Variants in CACHD1 observed in about 807,000 individuals in gnomAD.
CACHD1 encodes the protein cache domain containing 1, also known as VWFA and cache domain-containing protein 1.
Under a neutral mutation model 138.7 loss-of-function variants are expected in CACHD1, and 71 were observed. The observed-to-expected ratio is 0.51, with a 90% CI of 0.42 to 0.62. The LOEUF (loss-of-function observed/expected upper bound fraction) is 0.62, where lower values mean the gene tolerates loss of function less well. Ranked by LOEUF, CACHD1 falls within the 20% of genes least tolerant of loss-of-function variation. CACHD1 has a pLI of 0.00. For missense variants in CACHD1, 1,389 were observed against 1,625.3 expected (o/e 0.85, Z 2.50); for synonymous variants, 578 against 591.5 (o/e 0.98, Z 0.33).
At chr1:64,568,052 T>A (rs1269058987) in intron 2 of CACHD1, among the ~76,000 whole-genome samples, 1 of 152,246 alleles carries the variant, frequency 6.6e-6, no homozygotes, top group Non-Finnish European at 1.5e-5. Flanking sequence ...AAGTCCTTGA[T>A]GACTCTTTTG....
At chr1:64,508,752 C>A (rs1646396481) in intron 1 of CACHD1, among the ~76,000 whole-genome samples, 1 of 152,190 alleles carries the variant, frequency 6.6e-6, no homozygotes, top group Admixed American at 6.5e-5. Context: ...CATACTCAGT[C>A]TTCTGTTAAG....
intron 4 of CACHD1, among the ~76,000 whole-genome samples, chr1:64,612,665 T>A (rs1177706873): frequency 6.6e-6 from 1 of 152,146 alleles, no homozygotes; most frequent in Non-Finnish European, 1.5e-5. Flanking sequence ...CTGAATATTT[T>A]AAGCCCACTC....
At chr1:64,505,561 C>T (rs1646366900) in intron 1 of CACHD1, among the ~76,000 whole-genome samples, 1 of 136,906 alleles carries the variant, frequency 7.3e-6, no homozygotes, top group African/African-American at 2.8e-5. Context: ...CCGCCCCCTC[C>T]TCTGGGGCAC....
chr1:64,534,044 A>AT (rs1190973908), intron 1 of CACHD1, among the ~76,000 whole-genome samples: 7,290 of 110,516 alleles, frequency 0.066, 295 homozygotes, highest in Middle Eastern at 0.11. Context: ...TGAGCCCAGC[A>AT]TTTTTTTTTT....
chr1:64,476,339 A>T (rs531459750), intron 1 of CACHD1, among the ~76,000 whole-genome samples: 1 of 152,326 alleles, frequency 6.6e-6, no homozygotes, highest in African/African-American at 2.4e-5. Flanking sequence ...TGCTGGCTCT[A>T]TTATAACTGC....
At chr1:64,506,840 C>G (rs1646380773) in intron 1 of CACHD1, among the ~76,000 whole-genome samples, 1 of 152,154 alleles carries the variant, frequency 6.6e-6, no homozygotes, top group South Asian at 2.1e-4. Flanking sequence ...TGTAATACAT[C>G]AAATTGCCTG....
At chr1:64,636,758 C>A (rs561890408) in intron 7 of CACHD1, among the ~76,000 whole-genome samples, 8 of 152,268 alleles carry the variant, frequency 5.3e-5, no homozygotes, top group Admixed American at 1.3e-4. Context: ...ATTACTCTCG[C>A]TTGTGATTAA....
intron 1 of CACHD1, among the ~76,000 whole-genome samples, chr1:64,540,252 G>A (rs763964537): frequency 3.9e-5 from 6 of 151,958 alleles, no homozygotes; most frequent in African/African-American, 7.3e-5. Flanking sequence ...ATGTATGGCC[G>A]CTAAATACCT....
At chr1:64,550,739 A>T in intron 2 of CACHD1, 83 bp downstream of exon 2, 1 of 883,200 alleles carries the variant, frequency 1.1e-6, no homozygotes, top group Non-Finnish European at 1.9e-6. Flanking sequence ...AGCAATCTCC[A>T]CTTGAGGTTT....
At chr1:64,657,808 C>T (rs1190210454) in intron 12 of CACHD1, among the ~76,000 whole-genome samples, 2 of 152,172 alleles carry the variant, frequency 1.3e-5, no homozygotes, top group Non-Finnish European at 1.5e-5. Flanking sequence ...GTTCTGATTT[C>T]GCTAGTCATC....
intron 8 of CACHD1, among the ~76,000 whole-genome samples, chr1:64,645,157 G>A (rs1229922528): frequency 1.3e-5 from 2 of 152,112 alleles, no homozygotes; most frequent in Non-Finnish European, 2.9e-5. Flanking sequence ...AAGGGTACCA[G>A]AGAAGTTGGG....
At position 64,652,170 on chromosome 1, in the gene CACHD1, T is replaced by C; in HGVS notation, c.1400T>C (p.Met467Thr). The change falls in exon 10 of 27, where the codon ATG becomes ACG. Residue 467 changes from methionine to threonine, a missense_variant. By Grantham distance (81) the Met-to-Thr change is moderately conservative. This residue lies in a region of CACHD1 where 1,000 missense variants were observed against 1,114.7 expected (regional missense o/e 0.90). Transcript: ENST00000651257. ...TGTTTTTAACCCATAGGTTTGATAATGACTGTGAGTAAACCCTGTTATTTT... is the reference window on the plus strand; with the variant it reads ...TGTTTTTAACCCATAGGTTTGATAACGACTGTGAGTAAACCCTGTTATTTT... ...FSDEMGDGLI[M>T]TVSKPCYFGN... 4 of 1,607,630 alleles carry C rather than the reference T, an allele frequency of 2.5e-6. No individual in the cohort carries two copies. The East Asian group carries it at 8.9e-5, about 36-fold the overall frequency.
intron 1 of CACHD1, among the ~76,000 whole-genome samples, chr1:64,484,711 C>A (rs547325964): frequency 6.6e-6 from 1 of 152,354 alleles, no homozygotes; most frequent in South Asian, 2.1e-4. Context: ...CTAGGTACCT[C>A]ATAAAAGTGG....
chr1:64,612,221 A>G (rs1647558360), intron 4 of CACHD1, among the ~76,000 whole-genome samples: 1 of 152,234 alleles, frequency 6.6e-6, no homozygotes, highest in Admixed American at 6.5e-5. Flanking sequence ...CCATAAAAGC[A>G]TAATTCAAAT....
In CACHD1 at chr1:64,613,343, G is replaced by C. The variant is rs568593365; in HGVS notation, c.517+10431G>C. On this transcript the variant is annotated intron_variant, in intron 4 of 26. Coordinates refer to ENST00000651257, the MANE Select transcript of CACHD1 (RefSeq NM_020925.4). ...CTGATGAAACAGCAGCTATAGTGTAGTGTAGTGTAAAAATATAAAAATATA... is the reference window on the plus strand; with the variant it reads ...CTGATGAAACAGCAGCTATAGTGTACTGTAGTGTAAAAATATAAAAATATA... The C allele has an allele frequency of 2.7e-5, 4 of 150,568 alleles. No individual in the cohort carries two copies. The South Asian group carries it at 6.3e-4, about 24-fold the overall frequency. The allele number at this position is 150,568 out of a possible 1,614,324, so 9.3% of individuals were successfully genotyped here.
chr1:64,647,738 A>C, intron 8 of CACHD1, 63 bp from the exon 9 acceptor site: 1 of 1,409,142 alleles, frequency 7.1e-7, no homozygotes, highest in Non-Finnish European at 9.9e-7. Flanking sequence ...TCTAAATGGC[A>C]AGAGGTTGAA....
At chr1:64,623,752 T>C (rs970595742) in intron 4 of CACHD1, among the ~76,000 whole-genome samples, 8 of 152,132 alleles carry the variant, frequency 5.3e-5, no homozygotes, top group South Asian at 2.1e-4. Flanking sequence ...AAAAAACCAT[T>C]TATTGCCTCC....
chr1:64,483,567 G>A (rs1388174249), intron 1 of CACHD1, among the ~76,000 whole-genome samples: 1 of 151,780 alleles, frequency 6.6e-6, no homozygotes, highest in South Asian at 2.1e-4. Context: ...GGCTGGGCTG[G>A]GTGTGGTGGC....
chr1:64,604,147 G>A, intron 4 of CACHD1, among the ~76,000 whole-genome samples: 1 of 152,204 alleles, frequency 6.6e-6, no homozygotes, highest in East Asian at 1.9e-4. Context: ...TTTGGGAATT[G>A]TATACACAAA....
Sources: allele counts gnomAD v4.1 joint callset (sites outside exome capture counted in the v4.1 genomes callset), GRCh38; gene constraint gnomAD v4.1.1; regional missense constraint gnomAD v4.1.1; transcripts MANE v1.5; gene names NCBI Gene and HGNC (gene_info 2026-07-23, HGNC 2026-07-21).